The following SAMD12 variants were observed in gnomAD, a reference collection of about 807,000 sequenced individuals.
SAMD12 encodes the protein sterile alpha motif domain-containing protein 12.
In SAMD12, 9 loss-of-function variants were observed where a neutral mutation model predicts 15.0. That is an observed-to-expected ratio of 0.60 (90% CI 0.36 to 1.05). SAMD12 has a LOEUF of 1.05. SAMD12 is among the 50% of genes least tolerant of loss of function. The probability of loss-of-function intolerance (pLI) is 0.01; values close to 1 mark genes in which losing one functional copy is unlikely to be tolerated. For synonymous variants in SAMD12, 86 were observed against 90.1 expected, an observed-to-expected ratio of 0.96 and a Z score of 0.25; for missense variants, 230 against 234.2, an observed-to-expected ratio of 0.98 and a Z score of 0.12.
chr8:118,465,344 A>AAC (rs1224924530), intron 2 of SAMD12, among the ~76,000 whole-genome samples: 1 of 152,154 alleles, frequency 6.6e-6, no homozygotes, highest in African/African-American at 2.4e-5. Context: ...TACCATGATG[A>AAC]ACAAGCAACA....
chr8:118,171,246 A>G, the SAMD12 span, among the ~76,000 whole-genome samples: 1 of 152,248 alleles, frequency 6.6e-6, no homozygotes, highest in Non-Finnish European at 1.5e-5. Flanking sequence ...TGGTTCAGCC[A>G]CTTTGGAAAA....
At chr8:118,147,712 T>C in the SAMD12 span, among the ~76,000 whole-genome samples, 1 of 151,852 alleles carries the variant, frequency 6.6e-6, no homozygotes, top group African/African-American at 2.4e-5. Context: ...TAAGGTCACA[T>C]AGTTAATATG....
At chr8:118,224,747 C>A (rs1480037129) in intron 4 of SAMD12, among the ~76,000 whole-genome samples, 2 of 152,120 alleles carry the variant, frequency 1.3e-5, no homozygotes, top group African/African-American at 4.8e-5. Flanking sequence ...TCAGAAAAGG[C>A]AAAATTGCCT....
intron 3 of SAMD12, among the ~76,000 whole-genome samples, chr8:118,389,501 C>A (rs948197165): frequency 1.3e-5 from 2 of 152,118 alleles, no homozygotes; most frequent in African/African-American, 4.8e-5. Flanking sequence ...GTCAGGAGTT[C>A]GAGGCCAGCC....
chr8:118,182,497 T>C, the SAMD12 span, among the ~76,000 whole-genome samples: 1 of 152,240 alleles, frequency 6.6e-6, no homozygotes, highest in South Asian at 2.1e-4. Flanking sequence ...GATCTTCTAA[T>C]GGTGCTACAT....
intron 4 of SAMD12, among the ~76,000 whole-genome samples, chr8:118,305,333 C>G (rs1815284200): frequency 6.6e-6 from 1 of 152,012 alleles, no homozygotes; most frequent in Admixed American, 6.6e-5. Flanking sequence ...TCTATTCTAC[C>G]TTCCATTTCC....
chr8:118,416,612 C>G (rs1821703467), intron 3 of SAMD12, among the ~76,000 whole-genome samples: 1 of 152,190 alleles, frequency 6.6e-6, no homozygotes, highest in Admixed American at 6.5e-5. Flanking sequence ...CAATGGTACA[C>G]AATTTCATTC....
intron 2 of SAMD12, among the ~76,000 whole-genome samples, chr8:118,494,728 C>T (rs1824557439): frequency 6.6e-6 from 1 of 152,202 alleles, no homozygotes; most frequent in Non-Finnish European, 1.5e-5. Flanking sequence ...GCTTCCCCAA[C>T]ACCCTTCATC....
chr8:118,253,309 A>T (rs1812861152), intron 4 of SAMD12, among the ~76,000 whole-genome samples: 1 of 152,118 alleles, frequency 6.6e-6, no homozygotes, highest in Non-Finnish European at 1.5e-5. Context: ...CCAAGTTCTG[A>T]GTTGTAGAAT....
rs547138910 is a variant in SAMD12 at position 118,217,254 on chromosome 8, G to A, written c.434-19522C>T. Among the ~76,000 whole-genome samples, 14 of 152,228 alleles carry A rather than the reference G, an allele frequency of 9.2e-5. No homozygotes were observed. In the South Asian group the frequency reaches 1.7e-3, roughly 18 times the overall value. On this transcript the variant is annotated intron_variant, in intron 4 of 4. Transcript: ENST00000409003. The stretch of plus-strand genomic sequence containing the variant: ...CTTGACCTTGTGATCTGCCCGCCTC[G>A]GCCTCCCAAAGTGCTGGGATTACAG...
At chr8:118,427,035 C>T (rs1327593063) in intron 3 of SAMD12, among the ~76,000 whole-genome samples, 2 of 152,206 alleles carry the variant, frequency 1.3e-5, no homozygotes, top group Non-Finnish European at 2.9e-5. Context: ...GTTCCTTTGT[C>T]AGCAGTCATC....
chr8:118,376,438 GACATT>G (rs1434171314), downstream of SAMD12, among the ~76,000 whole-genome samples: 2 of 152,118 alleles, frequency 1.3e-5, no homozygotes, highest in Non-Finnish European at 2.9e-5. Context: ...CACCCCATGT[GACATT>G]ACAATGATTA....
At chr8:118,204,598 C>T (rs2451156) in intron 4 of SAMD12, among the ~76,000 whole-genome samples, 4,410 of 151,992 alleles carry the variant, frequency 0.029, 81 homozygotes, top group Non-Finnish European at 0.046. Context: ...ACTAAAAATA[C>T]AAAAAATTAG....
In SAMD12 at chr8:118,577,782, C is replaced by T. The variant is rs181512070; in HGVS notation, c.192+2933G>A. ...AGGCACACGTGGCCAAAAGACCCCACGATAACTCACTTCTCTGACAAATAA... is the reference window on the plus strand; with the variant it reads ...AGGCACACGTGGCCAAAAGACCCCATGATAACTCACTTCTCTGACAAATAA... On this transcript the variant is annotated intron_variant, in intron 2 of 3. Coordinates refer to ENST00000314727, the MANE Select transcript of SAMD12 (RefSeq NM_207506.3). 2.4e-3 allele frequency among the ~76,000 whole-genome samples: 360 copies of T among 152,192 alleles called. 9 individuals carry two copies. The highest frequency in any genetic ancestry group is 0.021 in the Admixed American group (324 of 15,278).
intron 2 of SAMD12, among the ~76,000 whole-genome samples, chr8:118,503,341 C>T (rs1824837422): frequency 6.6e-6 from 1 of 152,228 alleles, no homozygotes; most frequent in African/African-American, 2.4e-5. Context: ...GTGATTATTT[C>T]TGGGGCTGGG....
intron 3 of SAMD12, among the ~76,000 whole-genome samples, chr8:118,437,584 T>C (rs1822612900): frequency 6.6e-6 from 1 of 152,190 alleles, no homozygotes; most frequent in Admixed American, 6.5e-5. Context: ...CTATTTTCTT[T>C]ATTTTGGAGA....
chr8:118,361,249 GATTA>G (rs1157792161), intron 4 of SAMD12, among the ~76,000 whole-genome samples: 1 of 152,166 alleles, frequency 6.6e-6, no homozygotes, highest in Non-Finnish European at 1.5e-5. Flanking sequence ...TCTCTTGCAA[GATTA>G]ATTAATTCAC....
intron 1 of SAMD12, chr8:118,621,270 G>A (rs755150693): frequency 1.2e-4 from 19 of 156,270 alleles, no homozygotes; most frequent in Non-Finnish European, 2.0e-4. Flanking sequence ...TATAAGCAGA[G>A]ACAGGTGTAG....
chr8:118,208,979 T>C (rs1192656130), intron 4 of SAMD12, among the ~76,000 whole-genome samples: 1 of 152,166 alleles, frequency 6.6e-6, no homozygotes, highest in Non-Finnish European at 1.5e-5. Flanking sequence ...AAATAGTAAT[T>C]AGAAAAGGCT....
Sources: allele counts gnomAD v4.1 joint callset (sites outside exome capture counted in the v4.1 genomes callset), GRCh38; gene constraint gnomAD v4.1.1; transcripts MANE v1.5; gene names NCBI Gene and HGNC (gene_info 2026-07-23, HGNC 2026-07-21).